Variants in ZNF541 observed in about 807,000 individuals in gnomAD.
The protein encoded by ZNF541 is zinc finger protein 541.
ZNF541 carries 23 observed loss-of-function variants against 123.5 expected under a neutral mutation model. The observed-to-expected ratio is 0.19, with a 90% CI of 0.13 to 0.26. The LOEUF is 0.26. Among genes scored for constraint, ZNF541 ranks in the 10% least tolerant of loss-of-function variants. The pLI is 1.00. For synonymous variants in ZNF541, 751 were observed against 754.5 expected (o/e 1.00, Z 0.08); for missense variants, 1,612 against 1,789.9 (o/e 0.90, Z 1.79).
chr19:47,539,771 G>C lies in ZNF541; in HGVS notation c.2730C>G (p.Ala910=). The change falls in exon 8 of 17, where the codon GCC becomes GCG. Residue 910 remains alanine (A), a synonymous_variant. Transcript: ENST00000391901. ...TKKPLDPTAA[A]PLVVPQSIPV... ...GGATCGATTGGGGGACCACCAAAGG[G>C]GCTGCAGCTGTGGGGTCCAAGGGCT... The C allele has an allele frequency of 6.8e-7, 1 of 1,475,530 alleles. No homozygotes were observed. Among genetic ancestry groups the C allele is most frequent in the South Asian group, 1.4e-5 (1 of 72,234 alleles). The allele number at this position is 1,475,530 out of a possible 1,614,324, so 91.4% of individuals were successfully genotyped here.
intron 2 of ZNF541, among the ~76,000 whole-genome samples, chr19:47,566,314 A>C (rs1280650532): frequency 6.6e-6 from 1 of 152,226 alleles, no homozygotes; most frequent in African/African-American, 2.4e-5. Context: ...TGTAGAAGTA[A>C]GTCCACAATA....
Position 47,521,691 on chromosome 19 carries a change from C to G in ZNF541, c.3712-37G>C, listed in dbSNP as rs762014384. The stretch of plus-strand genomic sequence containing the variant: ...GCAAAAGTGACATAAGGGTGCTGAC[C>G]TGTCCTGCTGTAAGAGAGACACAGA... On this transcript the variant is annotated intron_variant, in intron 15 of 16. Coordinates refer to ENST00000391901, the MANE Select transcript of ZNF541 (RefSeq NM_001277075.3). This position sits in a 1 kb window ranked among gnomAD's most constrained non-coding sequence, Gnocchi z 4.2. 7 of 1,545,904 alleles carry G rather than the reference C, an allele frequency of 4.5e-6. No individual in the cohort carries two copies. In the Admixed American group the frequency reaches 7.9e-5, roughly 17 times the overall value.
intron 2 of ZNF541, among the ~76,000 whole-genome samples, chr19:47,557,717 T>C (rs1970880893): frequency 6.6e-6 from 1 of 152,108 alleles, no homozygotes; most frequent in African/African-American, 2.4e-5. Flanking sequence ...CGTCTATCTG[T>C]AGTCCCAGCT....
At chr19:47,523,338 TTAAAAAAAAAA>T (rs1327086536) in intron 14 of ZNF541, among the ~76,000 whole-genome samples, 2 of 118,150 alleles carry the variant, frequency 1.7e-5, no homozygotes, top group African/African-American at 1.0e-4. Flanking sequence ...AGCGTCTCTT[TTAAAAAAAAAA>T]AAAAAAAAAA....
chr19:47,527,449 G>A (rs1969349323), intron 14 of ZNF541, among the ~76,000 whole-genome samples: 1 of 152,114 alleles, frequency 6.6e-6, no homozygotes, highest in Admixed American at 6.5e-5. Flanking sequence ...AGGCTGGAGT[G>A]CAGTGGTGCA....
chr19:47,539,763 A>T lies in ZNF541; in HGVS notation c.2738T>A (p.Val913Glu). The change falls in exon 8 of 17, where the codon GTG becomes GAG. Residue 913 changes from valine to glutamate, a missense_variant. Coordinates refer to ENST00000391901, the MANE Select transcript of ZNF541 (RefSeq NM_001277075.3). ...AACCACGGGGATCGATTGGGGGACC[A>T]CCAAAGGGGCTGCAGCTGTGGGGTC... ...PLDPTAAAPL[V>E]VPQSIPVVPV... The T allele has an allele frequency of 4.1e-6, 6 of 1,470,664 alleles. No homozygotes were observed. Among genetic ancestry groups the T allele is most frequent in the Non-Finnish European group, 5.4e-6 (6 of 1,117,928 alleles). 91.1% of individuals were successfully genotyped at this position (1,470,664 alleles called of 1,614,324 possible).
chr19:47,557,229 G>A lies in ZNF541; in HGVS notation c.-98-1275C>T, dbSNP rs138779295. The stretch of plus-strand genomic sequence containing the variant: ...TGGGACCTGGGATGATAGCAGACAC[G>A]TGGGTGAGGGAAACAGGGCCTTGAG... On this transcript the variant is annotated intron_variant, in intron 2 of 16. Coordinates refer to ENST00000391901, the MANE Select transcript of ZNF541 (RefSeq NM_001277075.3). 1.3e-4 allele frequency among the ~76,000 whole-genome samples: 20 copies of A among 152,248 alleles called. No homozygotes were observed. The East Asian group carries it at 1.9e-3, about 15-fold the overall frequency.
At chr19:47,551,407 C>G (rs1271612219) in intron 3 of ZNF541, among the ~76,000 whole-genome samples, 2 of 150,496 alleles carry the variant, frequency 1.3e-5, no homozygotes, top group African/African-American at 4.9e-5. Context: ...GTTGTCCAGG[C>G]TAGAGTGCAG....
intron 3 of ZNF541, among the ~76,000 whole-genome samples, chr19:47,550,280 A>G (rs1370923795): frequency 6.6e-6 from 1 of 150,648 alleles, no homozygotes; most frequent in Admixed American, 6.7e-5. Context: ...AAAGAAAGAC[A>G]GGAAGGAAGG....
chr19:47,555,326 C>T (rs1438929333), intron 3 of ZNF541, among the ~76,000 whole-genome samples: 5 of 149,238 alleles, frequency 3.4e-5, no homozygotes, highest in East Asian at 2.0e-4. Context: ...GCTGAGATCG[C>T]GCCACTGCAC....
At chr19:47,538,500 C>T in intron 8 of ZNF541, 61 bp from the exon 9 acceptor site, 1 of 1,402,682 alleles carries the variant, frequency 7.1e-7, no homozygotes, top group South Asian at 1.5e-5. Context: ...ACTCCATCTC[C>T]AGGATGGAAA....
intron 4 of ZNF541, among the ~76,000 whole-genome samples, chr19:47,548,625 T>C (rs1292294605): frequency 6.6e-6 from 1 of 151,992 alleles, no homozygotes; most frequent in Non-Finnish European, 1.5e-5. Flanking sequence ...TTAGCCCAAC[T>C]CCTCCCATGA....
chr19:47,543,905 TC>T (rs887932793), intron 5 of ZNF541, among the ~76,000 whole-genome samples: 8 of 151,776 alleles, frequency 5.3e-5, no homozygotes, highest in Non-Finnish European at 1.0e-4. Context: ...CAGCCTCCCA[TC>T]CCAAAGGGCT....
intron 3 of ZNF541, 78 bp from the exon 4 acceptor site, chr19:47,549,563 TCTTA>T: frequency 6.6e-7 from 1 of 1,523,162 alleles, no homozygotes; most frequent in South Asian, 1.2e-5. Context: ...ACTCTACACC[TCTTA>T]GAACCATGGT....
chr19:47,538,525 G>T, intron 8 of ZNF541, 86 bp from the exon 9 acceptor site: 1 of 1,363,674 alleles, frequency 7.3e-7, no homozygotes, highest in Non-Finnish European at 9.7e-7. Flanking sequence ...GCAGGAAAAG[G>T]AGACCGGCCA....
Position 47,545,142 on chromosome 19 carries a change from C to T in ZNF541, c.1387G>A (p.Gly463Ser), listed in dbSNP as rs954984382. The change falls in exon 5 of 17, where the codon GGC (glycine) becomes AGC (serine). Residue 463 changes from glycine (G) to serine (S), a missense_variant. Around this residue, in one of 5 missense-constraint regions of ZNF541, gnomAD observed 1,080 missense variants for 1,013.8 expected, o/e 1.07. Transcript: ENST00000391901. This position sits in a 1 kb window ranked among gnomAD's most constrained non-coding sequence, Gnocchi z 7.5. ...SGSPSEESPP[G>S]PGGGLEDALP... is the part of the protein sequence containing the mutation. ...GCATCCTCCAGGCCACCGCCGGGGCCGGGCGGGGACTCCTCCGAGGGGCTT... is the reference window on the plus strand; with the variant it reads ...GCATCCTCCAGGCCACCGCCGGGGCTGGGCGGGGACTCCTCCGAGGGGCTT... 2 of 1,479,908 alleles carry T rather than the reference C, an allele frequency of 1.4e-6. No homozygotes were observed. Among genetic ancestry groups the T allele is most frequent in the Non-Finnish European group, 1.8e-6 (2 of 1,115,594 alleles). 91.7% of individuals were successfully genotyped at this position (1,479,908 alleles called of 1,614,324 possible).
At chr19:47,553,499 C>T (rs1044464868) in intron 3 of ZNF541, among the ~76,000 whole-genome samples, 2 of 151,084 alleles carry the variant, frequency 1.3e-5, no homozygotes, top group Non-Finnish European at 2.9e-5. Context: ...ACCTCCGACT[C>T]CCTGGTTCAA....
In ZNF541 at chr19:47,546,080, C is replaced by T; in HGVS notation, c.549-100G>A. 6.7e-6 allele frequency: 7 copies of T among 1,050,594 alleles called. No individual in the cohort carries two copies. The South Asian group carries it at 1.5e-4, about 23-fold the overall frequency. 65.1% of individuals were successfully genotyped at this position (1,050,594 alleles called of 1,614,324 possible). A position where few individuals can be genotyped will look rare whatever the true frequency, so the allele number is the denominator to read the frequency against. On this transcript the variant is annotated intron_variant, in intron 4 of 16. Coordinates refer to ENST00000391901, the MANE Select transcript of ZNF541 (RefSeq NM_001277075.3). ...CCCAAAAGTCTGTGGTACAGTTGCACCACAATTCAGAAATTGTACTCAGCC... is the reference window on the plus strand; with the variant it reads ...CCCAAAAGTCTGTGGTACAGTTGCATCACAATTCAGAAATTGTACTCAGCC...
chr19:47,534,974 CTTTT>C (rs937995970), intron 9 of ZNF541, among the ~76,000 whole-genome samples: 1 of 144,494 alleles, frequency 6.9e-6, no homozygotes, highest in Non-Finnish European at 1.5e-5. Context: ...TTACAAAGCT[CTTTT>C]TTTTTTTTTT....
Sources: allele counts gnomAD v4.1 joint callset (sites outside exome capture counted in the v4.1 genomes callset), GRCh38; gene constraint gnomAD v4.1.1; regional missense constraint gnomAD v4.1.1; non-coding constraint Gnocchi (gnomAD v3.1); transcripts MANE v1.5; gene names NCBI Gene and HGNC (gene_info 2026-07-23, HGNC 2026-07-21).